Variants in FAM149B1 observed in about 807,000 individuals in gnomAD.
FAM149B1 encodes family with sequence similarity 149 member B1, also known as primary cilium assembly protein FAM149B1.
In FAM149B1, 56 loss-of-function variants were observed where a neutral mutation model predicts 75.3. The observed-to-expected ratio is 0.74, with a 90% CI of 0.60 to 0.93. The LOEUF is 0.93. FAM149B1 is among the 40% of genes least tolerant of loss of function. FAM149B1 has a pLI of 0.00. For synonymous variants in FAM149B1, 259 were observed against 256.1 expected (o/e 1.01, Z -0.11); for missense variants, 639 against 708.4 (o/e 0.90, Z 1.11).
At chr10:73,179,237 A>G (rs2042336405) in intron 3 of FAM149B1, among the ~76,000 whole-genome samples, 1 of 152,176 alleles carries the variant, frequency 6.6e-6, no homozygotes, top group African/African-American at 2.4e-5. Flanking sequence ...TGCTGGGATT[A>G]CAGGCATGAG....
In FAM149B1 at chr10:73,243,566, C is replaced by T; in HGVS notation, c.*2547C>T. ...AAGCTTTCACAACATTATCCATAGACAGAAAGTACCTAGTGGTTGCCAGGG... is the reference window on the plus strand; with the variant it reads ...AAGCTTTCACAACATTATCCATAGATAGAAAGTACCTAGTGGTTGCCAGGG... On this transcript the variant is annotated 3_prime_UTR_variant, in exon 14 of 14. Transcript: ENST00000242505. The T allele has an allele frequency of 2.5e-6, 4 of 1,610,570 alleles. No individual in the cohort carries two copies. The highest frequency in any genetic ancestry group is 2.5e-6 in the Non-Finnish European group (3 of 1,178,480).
In FAM149B1 at chr10:73,168,281, C is replaced by A. The variant is rs911258330; in HGVS notation, c.-59C>A. On this transcript the variant is annotated 5_prime_UTR_variant, in exon 1 of 14. Coordinates refer to ENST00000242505, the MANE Select transcript of FAM149B1 (RefSeq NM_173348.2). The stretch of plus-strand genomic sequence containing the variant: ...GGAGGGCCAGGCCCGGAGGCCCCCA[C>A]CCTGGCGTGCCTGCCCCGGCCGCGG... 2.6e-6 allele frequency: 4 copies of A among 1,538,112 alleles called. No homozygotes were observed. The highest frequency in any genetic ancestry group is 2.5e-5 in the East Asian group (1 of 40,472).
rs1168017034 is a variant in FAM149B1 at position 73,233,154 on chromosome 10, G to A, written c.1343G>A (p.Gly448Glu). 20 of 1,549,864 alleles carry A rather than the reference G, an allele frequency of 1.3e-5. No individual in the cohort carries two copies. The highest frequency in any genetic ancestry group is 2.7e-5 in the African/African-American group (2 of 72,992). Residue 448 changes from glycine (G) to glutamate (E), a missense_variant, in exon 10 of 14, where the codon GGA becomes GAA. Transcript: ENST00000242505. Reference sequence around the variant, plus strand: ...AGATCTGTGGAAGAAATCCTCAGAGGAGCCCGAGTGTAGGTTTCAAAAGCA... The same window carrying A: ...AGATCTGTGGAAGAAATCCTCAGAGAAGCCCGAGTGTAGGTTTCAAAAGCA... ...TPRSVEEILRGARVPVAPDSL... is the reference protein window; with the variant it reads ...TPRSVEEILREARVPVAPDSL...
At chr10:73,238,339 G>C (rs2043868919) in intron 12 of FAM149B1, among the ~76,000 whole-genome samples, 1 of 152,134 alleles carries the variant, frequency 6.6e-6, no homozygotes, top group African/African-American at 2.4e-5. Flanking sequence ...AGAGCGAGAA[G>C]ACTCTGTCCC....
At position 73,177,839 on chromosome 10, in the gene FAM149B1, C is replaced by T. The variant is rs913398729; in HGVS notation, c.153-7C>T. 6.5e-7 allele frequency: 1 copy of T among 1,541,312 alleles called. No individual in the cohort carries two copies. Among genetic ancestry groups the T allele is most frequent in the Admixed American group, 2.0e-5 (1 of 50,134 alleles). The stretch of plus-strand genomic sequence containing the variant: ...TTTTCTCTCCTCCTCCCAAATTGTG[C>T]CTTTAGCAAGTCTGACATCACAAGA... On this transcript the variant is annotated splice_region_variant and splice_polypyrimidine_tract_variant and intron_variant, in intron 2 of 13. Transcript: ENST00000242505.
At chr10:73,202,523 C>T (rs1361304487) in intron 5 of FAM149B1, among the ~76,000 whole-genome samples, 7 of 151,826 alleles carry the variant, frequency 4.6e-5, no homozygotes, top group African/African-American at 1.7e-4. Context: ...ACCTCTGCCT[C>T]CCAGGTTCAA....
At chr10:73,194,454 G>A (rs777081831) in intron 5 of FAM149B1, among the ~76,000 whole-genome samples, 3 of 150,940 alleles carry the variant, frequency 2.0e-5, no homozygotes, top group Non-Finnish European at 3.0e-5. Context: ...GTGCAGTGGC[G>A]CAGTCTTGGC....
intron 12 of FAM149B1, among the ~76,000 whole-genome samples, chr10:73,237,728 T>C (rs114121491): frequency 6.6e-6 from 1 of 152,010 alleles, no homozygotes; most frequent in African/African-American, 2.4e-5. Flanking sequence ...AGCCAAACAT[T>C]TCATTTTTTT....
Position 73,186,070 on chromosome 10 carries a change from G to T in FAM149B1, c.283-6486G>T, listed in dbSNP as rs1046476879. Among the ~76,000 whole-genome samples, 3 of 151,974 alleles carry T rather than the reference G, an allele frequency of 2.0e-5. No homozygotes were observed. The South Asian group carries it at 6.2e-4, about 32-fold the overall frequency. On this transcript the variant is annotated intron_variant, in intron 3 of 13. Transcript: ENST00000242505. ...CAAACCAAATCTAGTCACATAAAAGGATTATTTACCCTGACCAAGTGAGTA... is the reference window on the plus strand; with the variant it reads ...CAAACCAAATCTAGTCACATAAAAGTATTATTTACCCTGACCAAGTGAGTA...
intron 7 of FAM149B1, among the ~76,000 whole-genome samples, chr10:73,217,387 TAACA>T (rs891262034): frequency 6.6e-6 from 1 of 152,186 alleles, no homozygotes; most frequent in African/African-American, 2.4e-5. Context: ...CTGTGCTGCT[TAACA>T]AACTGTCACA....
At chr10:73,193,327 C>T in intron 4 of FAM149B1, 150 bp from the exon 5 acceptor site, 1 of 632,938 alleles carries the variant, frequency 1.6e-6, no homozygotes, top group Admixed American at 3.3e-5. Context: ...TGTAGTAAGG[C>T]TCTGGATTCA....
At chr10:73,200,332 A>G (rs2042903574) in intron 5 of FAM149B1, 3 of 457,902 alleles carry the variant, frequency 6.6e-6, no homozygotes, top group Non-Finnish European at 1.3e-5. Context: ...GCGAAACTAC[A>G]TCGCAAAAAC....
rs1466488573 is a variant in FAM149B1 at position 73,244,315 on chromosome 10, G to C, written c.*3296G>C. Reference sequence around the variant, plus strand: ...GTTCAAGACCTGCCTGGGTAACATAGTGAGACCTCAGTTCTATAAAAAAGA... The same window carrying C: ...GTTCAAGACCTGCCTGGGTAACATACTGAGACCTCAGTTCTATAAAAAAGA... On this transcript the variant is annotated 3_prime_UTR_variant, in exon 14 of 14. Transcript: ENST00000242505. The C allele has an allele frequency of 5.6e-6, 1 of 179,428 alleles. No homozygotes were observed. The highest frequency in any genetic ancestry group is 2.4e-5 in the African/African-American group (1 of 41,774). The allele number at this position is 179,428 out of a possible 1,614,324, so 11.1% of individuals were successfully genotyped here.
intron 9 of FAM149B1, 190 bp downstream of exon 9, chr10:73,230,715 C>T (rs144808460): frequency 2.2e-4 from 111 of 513,214 alleles, no homozygotes; most frequent in African/African-American, 1.6e-3. Context: ...AGAAGACATA[C>T]GTGGGTAAAA....
intron 9 of FAM149B1, 130 bp from the exon 10 acceptor site, chr10:73,232,809 G>A: frequency 1.6e-6 from 1 of 621,246 alleles, no homozygotes; most frequent in African/African-American, 1.8e-5. Context: ...GTTACTTATT[G>A]AAAGGTTTTT....
chr10:73,240,446 C>T (rs2043916064), intron 13 of FAM149B1, among the ~76,000 whole-genome samples: 2 of 152,182 alleles, frequency 1.3e-5, no homozygotes, highest in Admixed American at 6.5e-5. Flanking sequence ...GGCGTGGTGG[C>T]TCATGCCTGT....
In FAM149B1 at chr10:73,234,806, G is replaced by A; in HGVS notation, c.1353-11G>A. 6.4e-7 allele frequency: 1 copy of A among 1,550,864 alleles called. No homozygotes were observed. ...CTTTCATACCTTCGTGTTTGTTGGT[G>A]GGATCTGCAGCCCAGTGGCACCCGA... On this transcript the variant is annotated splice_polypyrimidine_tract_variant and intron_variant, in intron 10 of 13. Coordinates refer to ENST00000242505, the MANE Select transcript of FAM149B1 (RefSeq NM_173348.2).
chr10:73,206,682 T>C (rs752686675), intron 5 of FAM149B1, among the ~76,000 whole-genome samples: 2 of 152,180 alleles, frequency 1.3e-5, no homozygotes, highest in Non-Finnish European at 2.9e-5. Context: ...CAGTTACAGC[T>C]TGACTTGCCG....
chr10:73,168,259 G>C lies in FAM149B1; in HGVS notation c.-81G>C. 3.4e-6 allele frequency: 5 copies of C among 1,477,292 alleles called. No homozygotes were observed. The highest frequency in any genetic ancestry group is 4.6e-6 in the Non-Finnish European group (5 of 1,094,276). The allele number at this position is 1,477,292 out of a possible 1,614,324, so 91.5% of individuals were successfully genotyped here. A position where few individuals can be genotyped will look rare whatever the true frequency, so the allele number is the denominator to read the frequency against. On this transcript the variant is annotated 5_prime_UTR_variant, in exon 1 of 14. Transcript: ENST00000242505. ...AGGGGCCGGGCCGGAGCCGGCGGGA[G>C]GGCCAGGCCCGGAGGCCCCCACCCT...
Sources: allele counts gnomAD v4.1 joint callset (sites outside exome capture counted in the v4.1 genomes callset), GRCh38; gene constraint gnomAD v4.1.1; transcripts MANE v1.5; gene names NCBI Gene and HGNC (gene_info 2026-07-23, HGNC 2026-07-21).